The following DLG2 variants were observed in gnomAD, a reference collection of about 807,000 sequenced individuals.
DLG2 encodes discs large MAGUK scaffold protein 2.
In DLG2, 45 loss-of-function variants were observed where a neutral mutation model predicts 132.5. The ratio of observed to expected loss-of-function variants is 0.34; its 90% confidence interval spans 0.27 to 0.44. The LOEUF is 0.44. DLG2 is among the 20% of genes least tolerant of loss of function. DLG2 has a pLI of 1.00. For synonymous variants in DLG2, 424 were observed against 419.6 expected (o/e 1.01, Z -0.13); for missense variants, 1,045 against 1,196.9 (o/e 0.87, Z 1.87).
chr11:84,622,003 C>T (rs908008176), intron 6 of DLG2, among the ~76,000 whole-genome samples: 70 of 152,168 alleles, frequency 4.6e-4, no homozygotes, highest in African/African-American at 1.7e-3. Flanking sequence ...TGTTACTGGA[C>T]TCCTTAAGGG....
chr11:85,239,744 C>T (rs2075784032), intron 4 of DLG2, among the ~76,000 whole-genome samples: 1 of 151,820 alleles, frequency 6.6e-6, no homozygotes, highest in Non-Finnish European at 1.5e-5. Context: ...GTAGTTTCAC[C>T]AATTTGAATA....
chr11:85,467,341 A>C (rs1416017349), intron 3 of DLG2, among the ~76,000 whole-genome samples: 1 of 152,110 alleles, frequency 6.6e-6, no homozygotes, highest in Non-Finnish European at 1.5e-5. Flanking sequence ...AACTTCCAAC[A>C]CTATGTTGAA....
intron 6 of DLG2, among the ~76,000 whole-genome samples, chr11:84,987,682 T>C (rs190782871): frequency 5.3e-4 from 80 of 152,262 alleles, no homozygotes; most frequent in African/African-American, 1.9e-3. Flanking sequence ...GACACCCTAT[T>C]CAACAAACAG....
intron 6 of DLG2, among the ~76,000 whole-genome samples, chr11:84,660,232 T>A (rs1252708967): frequency 6.6e-6 from 1 of 152,078 alleles, no homozygotes; most frequent in Non-Finnish European, 1.5e-5. Context: ...GGCATCATAT[T>A]CTAAGAATCC....
intron 6 of DLG2, among the ~76,000 whole-genome samples, chr11:84,952,709 T>C (rs2051125060): frequency 6.6e-6 from 1 of 152,258 alleles, no homozygotes; most frequent in African/African-American, 2.4e-5. Flanking sequence ...AAAAAGAATG[T>C]AATATTTAAG....
intron 8 of DLG2, among the ~76,000 whole-genome samples, chr11:84,234,667 T>A (rs10792742): frequency 0.15 from 23,546 of 151,988 alleles, 2,008 homozygotes; most frequent in East Asian, 0.25. Flanking sequence ...GCTTCATTAA[T>A]CCCTCCTCCT....
intron 2 of DLG2, among the ~76,000 whole-genome samples, chr11:85,605,743 C>A (rs2080483880): frequency 6.6e-6 from 1 of 152,198 alleles, no homozygotes. Context: ...CTTTGGGATG[C>A]CAAGGCAGGC....
At chr11:84,844,111 GTGTGTGTGTGTGTGTGTGTGTGTGTA>G (rs2081116706) in intron 6 of DLG2, among the ~76,000 whole-genome samples, 7 of 72,916 alleles carry the variant, frequency 9.6e-5, no homozygotes, top group Non-Finnish European at 1.4e-4. Flanking sequence ...ATGTTTGTGT[GTGTGTGTGTGTGTGTGTGTGTGTGTA>G]TATATATATA....
At chr11:85,333,257 A>G (rs2152843085) in intron 3 of DLG2, among the ~76,000 whole-genome samples, 1 of 152,190 alleles carries the variant, frequency 6.6e-6, no homozygotes, top group East Asian at 1.9e-4. Flanking sequence ...ATAGTGGTAT[A>G]TAGAAATGCT....
In DLG2 at chr11:83,878,783, T is replaced by C. The variant is rs75230264; in HGVS notation, c.1497-4295A>G. Among the ~76,000 whole-genome samples, 643 of 152,282 alleles carry C rather than the reference T, an allele frequency of 4.2e-3. 5 individuals are homozygous for C. Among genetic ancestry groups the C allele is most frequent in the African/African-American group, 0.015 (614 of 41,578 alleles). ...CAGCATCATGCTACAACATGGATGC[T>C]GGAGAAGAAGTCCCCTGTCGCCTGG... On this transcript the variant is annotated intron_variant, in intron 15 of 27. Transcript: ENST00000376104.
intron 9 of DLG2, among the ~76,000 whole-genome samples, chr11:84,107,018 G>T (rs927353648): frequency 1.3e-5 from 2 of 150,180 alleles, no homozygotes; most frequent in East Asian, 3.9e-4. Context: ...GTGTGTGAGA[G>T]AGTTTTAGCC....
chr11:84,649,590 A>G (rs2099679085), intron 6 of DLG2, among the ~76,000 whole-genome samples: 1 of 152,214 alleles, frequency 6.6e-6, no homozygotes, highest in East Asian at 1.9e-4. Flanking sequence ...ACATGTTTTT[A>G]AACAGGAAAA....
intron 11 of DLG2, among the ~76,000 whole-genome samples, chr11:84,043,754 C>T (rs969571977): frequency 6.6e-6 from 1 of 151,464 alleles, no homozygotes; most frequent in African/African-American, 2.4e-5. Flanking sequence ...TGCTCTTTGT[C>T]GCTATTTTCA....
intron 4 of DLG2, among the ~76,000 whole-genome samples, chr11:85,172,066 G>A (rs1208025513): frequency 1.3e-5 from 2 of 152,184 alleles, no homozygotes; most frequent in African/African-American, 4.8e-5. Context: ...GACGAGGGGG[G>A]GTTCCGCCCA....
At chr11:85,627,377 G>A (rs540360957), upstream of DLG2, 2 of 152,298 alleles carry the variant, frequency 1.3e-5, no homozygotes, top group East Asian at 3.9e-4. Context: ...TTGGCATGGA[G>A]ACATTAAAGT....
chr11:84,262,925 A>G (rs1360622811), intron 7 of DLG2, among the ~76,000 whole-genome samples: 1 of 152,182 alleles, frequency 6.6e-6, no homozygotes, highest in African/African-American at 2.4e-5. Context: ...GTCATTGATA[A>G]TGGAATCAAC....
chr11:84,533,945 A>AATTTG (rs1452257119), intron 7 of DLG2, among the ~76,000 whole-genome samples: 1 of 149,354 alleles, frequency 6.7e-6, no homozygotes, highest in East Asian at 2.0e-4. Context: ...AAATCAGAGT[A>AATTTG]ATTTGCACAG....
chr11:84,053,184 T>C (rs1193710895), intron 11 of DLG2, among the ~76,000 whole-genome samples: 1 of 152,072 alleles, frequency 6.6e-6, no homozygotes, highest in Admixed American at 6.6e-5. Context: ...AGATACAGCA[T>C]GTTCTCACTT....
intron 14 of DLG2, among the ~76,000 whole-genome samples, chr11:83,931,894 T>C (rs148545238): frequency 1.1e-3 from 167 of 152,342 alleles, no homozygotes; most frequent in African/African-American, 3.9e-3. Context: ...TTCTTCACCG[T>C]TCAAAGTCTT....
Sources: allele counts gnomAD v4.1 joint callset (sites outside exome capture counted in the v4.1 genomes callset), GRCh38; gene constraint gnomAD v4.1.1; transcripts MANE v1.5; gene names NCBI Gene and HGNC (gene_info 2026-07-23, HGNC 2026-07-21).